The following NUBP1 variants were observed in gnomAD, a reference collection of about 807,000 sequenced individuals.
NUBP1 encodes NUBP iron-sulfur cluster assembly factor 1, cytosolic.
In NUBP1, 46 loss-of-function variants were observed where a neutral mutation model predicts 41.8. That is an observed-to-expected ratio of 1.10 (90% CI 0.87 to 1.41). NUBP1 has a LOEUF of 1.41. Among genes scored for constraint, NUBP1 ranks in the 40% most tolerant of loss-of-function variants. NUBP1 has a pLI of 0.00. For synonymous variants in NUBP1, 189 were observed against 154.6 expected (o/e 1.22, Z -1.65); for missense variants, 494 against 414.0 (o/e 1.19, Z -1.68).
chr16:10,762,827 C>T lies in NUBP1; in HGVS notation c.820+968C>T, dbSNP rs113859632. Among the ~76,000 whole-genome samples, 37 of 143,446 alleles carry T rather than the reference C, an allele frequency of 2.6e-4. 1 individual carries two copies. Among genetic ancestry groups the T allele is most frequent in the African/African-American group, 6.9e-4 (27 of 39,380 alleles). 94.1% of individuals were successfully genotyped at this position (143,446 alleles called of 152,430 possible). On this transcript the variant is annotated intron_variant, in intron 9 of 10. Transcript: ENST00000283027. ...GGGGGCCGCGTGCTTGGGGAGAGGG[C>T]GGGGCCCGTGGAGAGCCTGGAGGCG...
rs954260909 is a variant in NUBP1 at position 10,767,062 on chromosome 16, G to A, written c.821-887G>A. On this transcript the variant is annotated intron_variant, in intron 9 of 10. Coordinates refer to ENST00000283027, the MANE Select transcript of NUBP1 (RefSeq NM_002484.4). This position sits in a 1 kb window ranked among gnomAD's most constrained non-coding sequence, Gnocchi z 4.6. ...AGTAGTGAAGTTGAGGAAATGATGAGTGCTAGGTAGGAACCCCTCCTGGGG... is the reference window on the plus strand; with the variant it reads ...AGTAGTGAAGTTGAGGAAATGATGAATGCTAGGTAGGAACCCCTCCTGGGG... 5.0e-6 allele frequency: 2 copies of A among 398,802 alleles called. No homozygotes were observed. Among genetic ancestry groups the A allele is most frequent in the Non-Finnish European group, 8.8e-6 (2 of 226,178 alleles). The allele number at this position is 398,802 out of a possible 1,614,324, so 24.7% of individuals were successfully genotyped here.
At chr16:10,761,239 CAG>C in intron 7 of NUBP1, 123 bp from the exon 8 acceptor site, 1 of 800,688 alleles carries the variant, frequency 1.2e-6, no homozygotes, top group African/African-American at 1.7e-5. Context: ...CAAACCCTAT[CAG>C]GGCAGAAACC....
At chr16:10,756,050 G>T (rs1596455797) in intron 5 of NUBP1, among the ~76,000 whole-genome samples, 1 of 152,324 alleles carries the variant, frequency 6.6e-6, no homozygotes, top group East Asian at 1.9e-4. Flanking sequence ...GCCAGATTTG[G>T]CCCTGAAGTC....
Position 10,767,966 on chromosome 16 carries a change from G to C in NUBP1, c.838G>C (p.Gly280Arg). The change falls in exon 10 of 11, where the codon GGC (glycine) becomes CGC (arginine). Residue 280 changes from glycine to arginine, a missense_variant. Transcript: ENST00000283027. This position sits in a 1 kb window ranked among gnomAD's most constrained non-coding sequence, Gnocchi z 4.6. ...DPLIGKNCDK[G>R]QSFFIDAPDS... ...TTTTTAAGGTAAGAATTGTGACAAA[G>C]GCCAGTCTTTTTTCATTGACGCCCC... The C allele has an allele frequency of 1.9e-6, 3 of 1,614,174 alleles. No individual in the cohort carries two copies. Among genetic ancestry groups the C allele is most frequent in the African/African-American group, 1.3e-5 (1 of 75,062 alleles).
At chr16:10,752,507 T>G in intron 3 of NUBP1, 103 bp from the exon 4 acceptor site, 1 of 857,658 alleles carries the variant, frequency 1.2e-6, no homozygotes. Context: ...GTTTCTGTCT[T>G]CTCCCCTGTC....
chr16:10,751,343 C>T (rs775040610), intron 3 of NUBP1, among the ~76,000 whole-genome samples: 5 of 152,064 alleles, frequency 3.3e-5, no homozygotes, highest in African/African-American at 1.2e-4. Flanking sequence ...TATCAAGGTC[C>T]GGAGAGAGCA....
chr16:10,767,990 C>G lies in NUBP1; in HGVS notation c.862C>G (p.Pro288Ala). 1 of 1,614,048 alleles carries G rather than the reference C, an allele frequency of 6.2e-7. No homozygotes were observed. The highest frequency in any genetic ancestry group is 1.3e-5 in the African/African-American group (1 of 74,996). The change falls in exon 10 of 11, where the codon CCA (proline) becomes GCA (alanine). Residue 288 changes from proline (P) to alanine (A), a missense_variant. Pro to Ala is a conservative substitution (Grantham distance 27). Coordinates refer to ENST00000283027, the MANE Select transcript of NUBP1 (RefSeq NM_002484.4). The surrounding 1 kb of genome is among the most constrained non-coding windows in gnomAD (Gnocchi z 4.6). ...AGGCCAGTCTTTTTTCATTGACGCC[C>G]CAGATTCCCCAGCCACGTTAGCCTA... Reference protein sequence around the residue: ...DKGQSFFIDAPDSPATLAYRS... With the variant: ...DKGQSFFIDAADSPATLAYRS...
chr16:10,749,126 T>TACACACACACAC lies in NUBP1; in HGVS notation c.258+1883_258+1894dup, dbSNP rs58201009. On this transcript the variant is annotated intron_variant, in intron 3 of 10. Coordinates refer to ENST00000283027, the MANE Select transcript of NUBP1 (RefSeq NM_002484.4). This position sits in a 1 kb window ranked among gnomAD's most constrained non-coding sequence, Gnocchi z 4.1. ...GGATATAGATAGATACACAGACACA[T>TACACACACACAC]ACACACACACACACACACACACACA... is the stretch of plus-strand genomic sequence containing the variant. Among the ~76,000 whole-genome samples the TACACACACACAC allele has an allele frequency of 2.1e-4, 26 of 121,014 alleles. 1 individual carries two copies. The highest frequency in any genetic ancestry group is 6.3e-4 in the Admixed American group (8 of 12,774). 79.4% of individuals were successfully genotyped at this position (121,014 alleles called of 152,430 possible).
chr16:10,758,061 CTG>C lies in NUBP1; in HGVS notation c.606+37_606+38del, dbSNP rs774540180. The stretch of plus-strand genomic sequence containing the variant: ...GCTGCCAGCTGGAGCTGGGTCCAAA[CTG>C]TGCTCCACACTGTGAGATTTCTTTC... On this transcript the variant is annotated intron_variant, in intron 7 of 10. Transcript: ENST00000283027. 6 of 1,604,130 alleles carry C rather than the reference CTG, an allele frequency of 3.7e-6. No homozygotes were observed. In the South Asian group the frequency reaches 5.5e-5, roughly 15 times the overall value.
Position 10,744,626 on chromosome 16 carries a change from C to T in NUBP1, c.124+561C>T, listed in dbSNP as rs77929512. On this transcript the variant is annotated intron_variant, in intron 2 of 10. Coordinates refer to ENST00000283027, the MANE Select transcript of NUBP1 (RefSeq NM_002484.4). ...TTTAGCTTTACTGGGGAAACAAACA[C>T]GTGAGCTAGCAACTAAACCACCGCA... is the stretch of plus-strand genomic sequence containing the variant. Among the ~76,000 whole-genome samples the T allele has an allele frequency of 5.1e-3, 770 of 152,254 alleles. 8 individuals are homozygous for T. The highest frequency in any genetic ancestry group is 0.018 in the African/African-American group (732 of 41,530).
At chr16:10,756,838 G>T in intron 6 of NUBP1, 58 bp downstream of exon 6, 1 of 1,383,998 alleles carries the variant, frequency 7.2e-7, no homozygotes. Context: ...TGTGGCTCTT[G>T]GCTTTATCTG....
chr16:10,745,151 G>A (rs68105662), intron 2 of NUBP1, among the ~76,000 whole-genome samples: 42,169 of 151,376 alleles, frequency 0.28, 6,794 homozygotes, highest in East Asian at 0.48. Flanking sequence ...TAACCTCTCT[G>A]AGCTTCTGGT....
intron 3 of NUBP1, among the ~76,000 whole-genome samples, chr16:10,750,831 C>T (rs1045595022): frequency 1.3e-5 from 2 of 152,180 alleles, no homozygotes; most frequent in African/African-American, 2.4e-5. Flanking sequence ...GTAAAGGAGA[C>T]GCTTTGGGTC....
At position 10,765,507 on chromosome 16, in the gene NUBP1, C is replaced by CA; in HGVS notation, c.821-2433dup. On this transcript the variant is annotated intron_variant, in intron 9 of 10. Transcript: ENST00000283027. This position sits in a 1 kb window ranked among gnomAD's most constrained non-coding sequence, Gnocchi z 4.0. ...TGGGCGACAGAGCAAGAACCTGTCT[C>CA]AAAAAAAAATTTAAAAATGGCATGC... is the stretch of plus-strand genomic sequence containing the variant. 6.6e-6 allele frequency among the ~76,000 whole-genome samples: 1 copy of CA among 151,550 alleles called. No homozygotes were observed. Among genetic ancestry groups the CA allele is most frequent in the Non-Finnish European group, 1.5e-5 (1 of 67,892 alleles).
At chr16:10,761,236 T>C (rs1408599070) in intron 7 of NUBP1, 128 bp from the exon 8 acceptor site, 1 of 776,506 alleles carries the variant, frequency 1.3e-6, no homozygotes, top group Non-Finnish European at 2.1e-6. Flanking sequence ...AGCCAAACCC[T>C]ATCAGGGCAG....
intron 7 of NUBP1, among the ~76,000 whole-genome samples, chr16:10,758,537 G>A (rs1285158447): frequency 1.3e-5 from 2 of 152,100 alleles, no homozygotes; most frequent in African/African-American, 4.8e-5. Context: ...ACCATTCAAC[G>A]ATTTGGTTTT....
chr16:10,768,946 G>A lies in NUBP1; in HGVS notation c.905-101G>A, dbSNP rs553502255. Reference sequence around the variant, plus strand: ...GGTCTTTTTATGGAACTAGCCAGAGGATTCCACCCCTGTCAAAACACAGCC... The same window carrying A: ...GGTCTTTTTATGGAACTAGCCAGAGAATTCCACCCCTGTCAAAACACAGCC... On this transcript the variant is annotated intron_variant, in intron 10 of 10. Coordinates refer to ENST00000283027, the MANE Select transcript of NUBP1 (RefSeq NM_002484.4). This position sits in a 1 kb window ranked among gnomAD's most constrained non-coding sequence, Gnocchi z 4.3. 49 of 1,021,160 alleles carry A rather than the reference G, an allele frequency of 4.8e-5. No individual in the cohort carries two copies. In the African/African-American group the frequency reaches 6.2e-4, roughly 13 times the overall value. The allele number at this position is 1,021,160 out of a possible 1,614,324, so 63.3% of individuals were successfully genotyped here.
At chr16:10,764,241 T>C (rs2030493515) in intron 9 of NUBP1, among the ~76,000 whole-genome samples, 1 of 152,278 alleles carries the variant, frequency 6.6e-6, no homozygotes, top group African/African-American at 2.4e-5. Context: ...TGGGAGCATC[T>C]TAGCCTGCTG....
At chr16:10,761,614 G>A in intron 8 of NUBP1, 140 bp downstream of exon 8, 1 of 976,866 alleles carries the variant, frequency 1.0e-6, no homozygotes, top group Non-Finnish European at 1.5e-6. Context: ...CCTTTCTGCT[G>A]ACTAAAGGAA....
Sources: gnomAD v4.1 joint callset for allele counts (sites outside exome capture counted in the v4.1 genomes callset) on GRCh38, gnomAD v4.1.1 for gene constraint, Gnocchi (gnomAD v3.1) non-coding constraint, MANE v1.5 for transcripts, NCBI Gene and HGNC (gene_info 2026-07-23, HGNC 2026-07-21) for gene names.